LGSN: variants seen among roughly 807,000 people sequenced by gnomAD.
The protein encoded by LGSN is lengsin, lens protein with glutamine synthetase domain.
A neutral mutation model predicts 19.5 loss-of-function variants in LGSN; 21 were observed. The ratio of observed to expected loss-of-function variants is 1.07; its 90% CI spans 0.76 to 1.55. The LOEUF (loss-of-function observed/expected upper bound fraction) is 1.55. Among genes scored for constraint, LGSN ranks in the 40% most tolerant of loss-of-function variants. LGSN has a pLI of 0.00. For synonymous variants in LGSN, 257 were observed against 215.6 expected (o/e 1.19, Z -1.68); for missense variants, 673 against 608.5 (o/e 1.11, Z -1.12).
chr6:63,562,714 A>AAAACT, the LGSN span, among the ~76,000 whole-genome samples: 1 of 152,212 alleles, frequency 6.6e-6, no homozygotes, highest in Non-Finnish European at 1.5e-5. Flanking sequence ...ATCTATCAAG[A>AAAACT]GTTTAATTGT....
At chr6:63,359,260 C>T in the LGSN span, among the ~76,000 whole-genome samples, 3 of 152,052 alleles carry the variant, frequency 2.0e-5, no homozygotes, top group Admixed American at 1.3e-4. Context: ...AATTTTTGCA[C>T]CGATGTTCAT....
At chr6:63,327,228 T>A in the LGSN span, among the ~76,000 whole-genome samples, 1 of 152,184 alleles carries the variant, frequency 6.6e-6, no homozygotes, top group Non-Finnish European at 1.5e-5. Context: ...GTTCCATTTG[T>A]AAAACCATCT....
chr6:63,547,429 A>T, the LGSN span, among the ~76,000 whole-genome samples: 6 of 149,850 alleles, frequency 4.0e-5, no homozygotes, highest in African/African-American at 1.5e-4. Context: ...ACCTCAAGTG[A>T]TTAATCTGCC....
the LGSN span, among the ~76,000 whole-genome samples, chr6:63,341,803 G>A: frequency 6.6e-6 from 1 of 152,060 alleles, no homozygotes; most frequent in African/African-American, 2.4e-5. Context: ...TATCTTGAGA[G>A]TCTTTGTGCA....
At chr6:63,566,677 A>T in the LGSN span, among the ~76,000 whole-genome samples, 1 of 152,226 alleles carries the variant, frequency 6.6e-6, no homozygotes, top group African/African-American at 2.4e-5. Flanking sequence ...CAGCTGACTG[A>T]TCAGGGAGGT....
chr6:63,299,351 T>A (rs866779756), intron 1 of LGSN, among the ~76,000 whole-genome samples: 1 of 152,326 alleles, frequency 6.6e-6, no homozygotes, highest in Middle Eastern at 3.4e-3. Flanking sequence ...CTTACATTTA[T>A]GTAACAAGTC....
the LGSN span, among the ~76,000 whole-genome samples, chr6:63,538,683 A>G: frequency 6.6e-6 from 1 of 152,200 alleles, no homozygotes; most frequent in Admixed American, 6.5e-5. Flanking sequence ...AATGTGCTTT[A>G]GTTTTTGCCT....
intron 1 of LGSN, among the ~76,000 whole-genome samples, chr6:63,315,616 CTCTGTGTGTGTGTGTGTG>C (rs1182841951): frequency 1.7e-5 from 2 of 114,772 alleles, no homozygotes; most frequent in South Asian, 2.8e-4. Flanking sequence ...CTCTCTCTCT[CTCTGTGTGTGTGTGTGTG>C]TGTGTGTGTG....
chr6:63,404,626 A>G, the LGSN span, among the ~76,000 whole-genome samples: 1 of 151,990 alleles, frequency 6.6e-6, no homozygotes, highest in Non-Finnish European at 1.5e-5. Flanking sequence ...AGAGTCAAAC[A>G]AGCTCTCTGG....
chr6:63,442,497 T>G, the LGSN span, among the ~76,000 whole-genome samples: 1 of 152,210 alleles, frequency 6.6e-6, no homozygotes, highest in Non-Finnish European at 1.5e-5. Context: ...CACAGAGTGC[T>G]GATTGGTATA....
chr6:63,543,597 G>A, the LGSN span, among the ~76,000 whole-genome samples: 1 of 152,174 alleles, frequency 6.6e-6, no homozygotes, highest in African/African-American at 2.4e-5. Context: ...ATGTGAGGAA[G>A]GATATATCAC....
chr6:63,392,821 G>A, the LGSN span, among the ~76,000 whole-genome samples: 1 of 151,336 alleles, frequency 6.6e-6, no homozygotes, highest in South Asian at 2.1e-4. Flanking sequence ...AAACCGAGCT[G>A]CAGACATTGA....
the LGSN span, among the ~76,000 whole-genome samples, chr6:63,505,799 A>G: frequency 6.6e-6 from 1 of 152,092 alleles, no homozygotes; most frequent in Non-Finnish European, 1.5e-5. Context: ...AGCTGGGACT[A>G]TAGGTGTGCA....
Position 63,280,282 on chromosome 6 carries a change from A to T in LGSN, c.1269T>A (p.Thr423=), listed in dbSNP as rs1767243299. Residue 423 remains threonine (T), a synonymous_variant, in exon 4 of 4, where the codon ACT becomes ACA. Transcript: ENST00000370657. ...TANPYLVLAA[T]VAAGLDGLHS... is the part of the protein sequence containing the mutation. ...GAAGTCCATCTAAGCCGGCAGCAAC[A>T]GTTGCAGCCAGCACCAAGTAAGGGT... The T allele has an allele frequency of 1.2e-6, 2 of 1,614,124 alleles. No individual in the cohort carries two copies. The highest frequency in any genetic ancestry group is 1.3e-5 in the African/African-American group (1 of 74,938).
the LGSN span, among the ~76,000 whole-genome samples, chr6:63,515,202 CTTTCTAAAA>C: frequency 1.4e-5 from 2 of 140,424 alleles, no homozygotes; most frequent in East Asian, 4.1e-4. Flanking sequence ...TCTTAATCAC[CTTTCTAAAA>C]AGTTTTTTTG....
the LGSN span, among the ~76,000 whole-genome samples, chr6:63,429,048 C>T: frequency 6.6e-6 from 1 of 152,190 alleles, no homozygotes; most frequent in East Asian, 1.9e-4. Flanking sequence ...TTCTTGACCT[C>T]AAAACCAAGT....
the LGSN span, among the ~76,000 whole-genome samples, chr6:63,427,970 AT>A: frequency 3.3e-5 from 5 of 152,222 alleles, no homozygotes; most frequent in Non-Finnish European, 7.3e-5. Context: ...ATTCAAAAAA[AT>A]AACACAATAA....
chr6:63,348,292 A>G, the LGSN span, among the ~76,000 whole-genome samples: 10 of 152,080 alleles, frequency 6.6e-5, no homozygotes, highest in African/African-American at 2.4e-4. Flanking sequence ...CGTCTTTACT[A>G]AAAACACAAA....
At chr6:63,311,651 A>G (rs188216197) in intron 1 of LGSN, among the ~76,000 whole-genome samples, 2 of 152,284 alleles carry the variant, frequency 1.3e-5, no homozygotes, top group African/African-American at 4.8e-5. Context: ...CTGATGTCCT[A>G]TGCTTAATGC....
Sources: allele counts gnomAD v4.1 joint callset (sites outside exome capture counted in the v4.1 genomes callset), GRCh38; gene constraint gnomAD v4.1.1; transcripts MANE v1.5; gene names NCBI Gene and HGNC (gene_info 2026-07-23, HGNC 2026-07-21).